The following DBT variants were observed in gnomAD, a reference collection of about 807,000 sequenced individuals.
The protein encoded by DBT is dihydrolipoamide branched chain transacylase E2.
A neutral mutation model predicts 51.3 loss-of-function variants in DBT; 40 were observed. The ratio of observed to expected loss-of-function variants is 0.78; its 90% CI spans 0.61 to 1.02. DBT has a LOEUF of 1.02. DBT is among the 50% of genes least tolerant of loss of function. DBT has a pLI of 0.00. For synonymous variants in DBT, 181 were observed against 190.4 expected, an observed-to-expected ratio of 0.95 and a Z score of 0.41; for missense variants, 510 against 580.2, an observed-to-expected ratio of 0.88 and a Z score of 1.24.
rs1035222410 is a variant in DBT, at chr1:100,193,474, C to A, written c.*2781G>T. 2.6e-5 allele frequency: 4 copies of A among 152,138 alleles called. No individual in the cohort carries two copies. The highest frequency in any genetic ancestry group is 9.7e-5 in the African/African-American group (4 of 41,430). 9.4% of individuals were successfully genotyped at this position (152,138 alleles called of 1,614,324 possible). On this transcript the variant is annotated 3_prime_UTR_variant, in exon 11 of 11. Coordinates refer to ENST00000370132, the MANE Select transcript of DBT (RefSeq NM_001918.5). ...CAGTTATTTAATATCTGTCTCCTTA[C>A]TAGACTGTAAGCCCAATCAAGGAAG...
At chr1:100,236,483 A>C (rs1322191603) in intron 2 of DBT, among the ~76,000 whole-genome samples, 1 of 152,142 alleles carries the variant, frequency 6.6e-6, no homozygotes, top group Non-Finnish European at 1.5e-5. Context: ...AAATTTTCTT[A>C]AATATGAGGA....
At chr1:100,249,078 A>G in intron 1 of DBT, 2 of 987,938 alleles carry the variant, frequency 2.0e-6, no homozygotes, top group Non-Finnish European at 2.4e-6. Flanking sequence ...TCACCAAGGC[A>G]GGAGCATCTA....
chr1:100,239,517 C>A (rs899521353), intron 2 of DBT, among the ~76,000 whole-genome samples: 2 of 151,738 alleles, frequency 1.3e-5, no homozygotes, highest in Non-Finnish European at 2.9e-5. Context: ...TGGCTCACAC[C>A]TGTAATCCCA....
chr1:100,228,627 G>C (rs941938955), intron 4 of DBT, among the ~76,000 whole-genome samples: 5 of 152,234 alleles, frequency 3.3e-5, no homozygotes, highest in Admixed American at 3.3e-4. Flanking sequence ...AGGCACAGTG[G>C]TGCACACCTG....
chr1:100,223,353 A>G (rs1662983207), intron 4 of DBT, among the ~76,000 whole-genome samples: 1 of 152,156 alleles, frequency 6.6e-6, no homozygotes, highest in African/African-American at 2.4e-5. Flanking sequence ...AGGTAACACA[A>G]TTTAAACTGA....
Position 100,189,684 on chromosome 1 carries a change from A to G in DBT, c.*6571T>C, listed in dbSNP as rs1057216962. ...AGTTTGGCAGAAGGAGCAAGACAGG[A>G]AATTTATTCATTTAGTGGCAGTCAG... On this transcript the variant is annotated 3_prime_UTR_variant, in exon 11 of 11. Coordinates refer to ENST00000370132, the MANE Select transcript of DBT (RefSeq NM_001918.5). 3 of 152,232 alleles carry G rather than the reference A, an allele frequency of 2.0e-5. No individual in the cohort carries two copies. Among genetic ancestry groups the G allele is most frequent in the Non-Finnish European group, 4.4e-5 (3 of 68,036 alleles). The allele number at this position is 152,232 out of a possible 1,614,324, so 9.4% of individuals were successfully genotyped here.
chr1:100,237,520 AG>A (rs1359709928), intron 2 of DBT, among the ~76,000 whole-genome samples: 2 of 152,178 alleles, frequency 1.3e-5, no homozygotes, highest in Admixed American at 6.5e-5. Context: ...CTACAAGTTT[AG>A]AAAAAATTTC....
In DBT at chr1:100,218,762, AAACTT is replaced by A. The variant is rs1170956991; in HGVS notation, c.434-20_434-16del. On this transcript the variant is annotated splice_polypyrimidine_tract_variant and intron_variant, in intron 4 of 10. Transcript: ENST00000370132. ...TTCTTCTGAATCTGGTAACAAGGTA[AAACTT>A]AACTTCAGTTGAAAAAAAATTTTTT... is the stretch of plus-strand genomic sequence containing the variant. 3 of 1,613,196 alleles carry A rather than the reference AAACTT, an allele frequency of 1.9e-6. No individual in the cohort carries two copies. Among genetic ancestry groups the A allele is most frequent in the Non-Finnish European group, 2.5e-6 (3 of 1,179,478 alleles).
At chr1:100,235,599 A>G (rs1377136040) in intron 2 of DBT, 88 bp from the exon 3 acceptor site, 2 of 717,094 alleles carry the variant, frequency 2.8e-6, no homozygotes, top group East Asian at 5.6e-5. Context: ...GAATGTTCTC[A>G]GGCAGAGGCA....
chr1:100,222,688 G>C (rs1281335546), intron 4 of DBT, among the ~76,000 whole-genome samples: 2 of 152,196 alleles, frequency 1.3e-5, no homozygotes, highest in East Asian at 3.8e-4. Flanking sequence ...AGGGGTAAAT[G>C]CAATATAATG....
chr1:100,202,575 G>A (rs960729418), intron 10 of DBT, among the ~76,000 whole-genome samples: 8 of 152,042 alleles, frequency 5.3e-5, no homozygotes, highest in East Asian at 1.9e-4. Context: ...TGGACCAAGC[G>A]GACCTAATAG....
intron 10 of DBT, among the ~76,000 whole-genome samples, chr1:100,203,424 C>A (rs1202296822): frequency 6.6e-6 from 1 of 152,156 alleles, no homozygotes; most frequent in African/African-American, 2.4e-5. Context: ...CCTGAATAGA[C>A]CAATAACAAG....
Position 100,195,639 on chromosome 1 carries a change from G to A in DBT, c.*616C>T, listed in dbSNP as rs545717528. The stretch of plus-strand genomic sequence containing the variant: ...AATAGGGCATATACTGTCTGTATAT[G>A]GCTACCTGTCTTTTAGTAACATGAA... On this transcript the variant is annotated 3_prime_UTR_variant, in exon 11 of 11. Transcript: ENST00000370132. 1.3e-5 allele frequency: 2 copies of A among 153,896 alleles called. No homozygotes were observed. Among genetic ancestry groups the A allele is most frequent in the African/African-American group, 4.8e-5 (2 of 41,524 alleles). 9.5% of individuals were successfully genotyped at this position (153,896 alleles called of 1,614,324 possible).
At chr1:100,247,420 CA>C (rs371626004) in intron 1 of DBT, among the ~76,000 whole-genome samples, 14 of 152,256 alleles carry the variant, frequency 9.2e-5, no homozygotes, top group African/African-American at 2.9e-4. Flanking sequence ...GAAACTGGGC[CA>C]GGGGCAGTGG....
chr1:100,223,118 T>G (rs1467616970), intron 4 of DBT, among the ~76,000 whole-genome samples: 2 of 152,210 alleles, frequency 1.3e-5, no homozygotes, highest in Admixed American at 6.5e-5. Context: ...GTTCATAACA[T>G]GTCTTTGCAT....
chr1:100,239,851 C>CAAAAAAAAAAAA (rs56661922), intron 2 of DBT, among the ~76,000 whole-genome samples: 22 of 111,200 alleles, frequency 2.0e-4, no homozygotes, highest in Non-Finnish European at 3.4e-4. Flanking sequence ...CAACAGAGCT[C>CAAAAAAAAAAAA]AAAAAAAAAA....
In DBT at chr1:100,235,526, G is replaced by T. The variant is rs762049483; in HGVS notation, c.176-15C>A. On this transcript the variant is annotated splice_polypyrimidine_tract_variant and intron_variant, in intron 2 of 10. Coordinates refer to ENST00000370132, the MANE Select transcript of DBT (RefSeq NM_001918.5). The stretch of plus-strand genomic sequence containing the variant: ...TCCACGGAGAGCTTCAAAGACAAAT[G>T]AGAAATGATCTCATTAAGTATATAA... The T allele has an allele frequency of 1.1e-5, 16 of 1,468,068 alleles. No homozygotes were observed. Among genetic ancestry groups the T allele is most frequent in the Admixed American group, 6.7e-5 (4 of 59,676 alleles). The allele number at this position is 1,468,068 out of a possible 1,614,324, so 90.9% of individuals were successfully genotyped here.
At chr1:100,249,336 T>G in intron 1 of DBT, 1 of 251,886 alleles carries the variant, frequency 4.0e-6, no homozygotes, top group Non-Finnish European at 8.0e-6. Flanking sequence ...CCTGCTGATA[T>G]TCTATAACTT....
intron 4 of DBT, among the ~76,000 whole-genome samples, chr1:100,228,126 AG>A (rs1176594123): frequency 1.3e-5 from 2 of 152,116 alleles, no homozygotes; most frequent in Admixed American, 1.3e-4. Flanking sequence ...CTGGAATTAC[AG>A]GTGTGAGCCA....
Sources: allele counts gnomAD v4.1 joint callset (sites outside exome capture counted in the v4.1 genomes callset), GRCh38; gene constraint gnomAD v4.1.1; transcripts MANE v1.5; gene names NCBI Gene and HGNC (gene_info 2026-07-23, HGNC 2026-07-21).